The following RIC1 variants were observed in gnomAD, a reference collection of about 807,000 sequenced individuals.
RIC1 encodes the protein guanine nucleotide exchange factor subunit RIC1.
A neutral mutation model predicts 169.0 loss-of-function variants in RIC1; 88 were observed. The observed-to-expected ratio is 0.52, with a 90% CI of 0.44 to 0.62. The LOEUF is 0.62. Among genes scored for constraint, RIC1 ranks in the 20% least tolerant of loss-of-function variants. RIC1 has a pLI of 0.00. For missense variants in RIC1, 1,877 were observed against 1,725.5 expected (o/e 1.09, Z -1.56); for synonymous variants, 790 against 601.5 (o/e 1.31, Z -4.59).
intron 2 of RIC1, among the ~76,000 whole-genome samples, chr9:5,669,361 A>T (rs182041709): frequency 6.6e-6 from 1 of 152,164 alleles, no homozygotes; most frequent in Non-Finnish European, 1.5e-5. Flanking sequence ...TTAGCTCCCA[A>T]TTATGAGTGA....
In RIC1 at chr9:5,731,973, T is replaced by G. The variant is rs181732628; in HGVS notation, c.721-415T>G. On this transcript the variant is annotated intron_variant, in intron 6 of 25. Coordinates refer to ENST00000414202, the MANE Select transcript of RIC1 (RefSeq NM_020829.4). Reference sequence around the variant, plus strand: ...AAAGAATAAACCAAACAGAATGTACTACTTTTCACTGACTGAGAAGTTAAA... The same window carrying G: ...AAAGAATAAACCAAACAGAATGTACGACTTTTCACTGACTGAGAAGTTAAA... Among the ~76,000 whole-genome samples, 720 of 152,338 alleles carry G rather than the reference T, an allele frequency of 4.7e-3. 4 individuals are homozygous for G. The highest frequency in any genetic ancestry group is 0.01 in the Admixed American group (153 of 15,298).
Position 5,746,008 on chromosome 9 carries a change from C to T in RIC1, c.1173C>T (p.Leu391=). The T allele has an allele frequency of 6.2e-7, 1 of 1,613,622 alleles. No individual in the cohort carries two copies. The highest frequency in any genetic ancestry group is 8.5e-7 in the Non-Finnish European group (1 of 1,179,662). ...GSQNTEIESD[L]RSVVKQPSIL... ...AAAACACTGAAATTGAGTCTGACCT[C>T]AGGAGTGTAGTTAAACAGCCCAGCA... The change falls in exon 11 of 26, where the codon CTC becomes CTT. Residue 391 remains leucine (L), a synonymous_variant. Coordinates refer to ENST00000414202, the MANE Select transcript of RIC1 (RefSeq NM_020829.4).
At chr9:5,771,311 AGT>A (rs1167844153) in intron 23 of RIC1, among the ~76,000 whole-genome samples, 1 of 152,152 alleles carries the variant, frequency 6.6e-6, no homozygotes, top group African/African-American at 2.4e-5. Context: ...GAAATCATAT[AGT>A]GTTTGTCTTT....
chr9:5,671,869 G>T (rs1285642502), intron 2 of RIC1, among the ~76,000 whole-genome samples: 1 of 152,194 alleles, frequency 6.6e-6, no homozygotes, highest in Non-Finnish European at 1.5e-5. Flanking sequence ...ACTGAGACAG[G>T]ATCTGAGATT....
At chr9:5,630,414 G>A (rs2130192178) in intron 1 of RIC1, among the ~76,000 whole-genome samples, 1 of 152,304 alleles carries the variant, frequency 6.6e-6, no homozygotes, top group South Asian at 2.1e-4. Context: ...ACCATGTGGG[G>A]ATAGGTTGTG....
chr9:5,746,983 C>T (rs1467469995), intron 11 of RIC1, among the ~76,000 whole-genome samples: 1 of 152,080 alleles, frequency 6.6e-6, no homozygotes, highest in Non-Finnish European at 1.5e-5. Context: ...GTCAAGCCAG[C>T]ATTTGGACTA....
chr9:5,756,239 C>G lies in RIC1; in HGVS notation c.1720C>G (p.Leu574Val). Reference protein sequence around the residue: ...ELRVYLRTSNLDNAFAHVTKA... With the variant: ...ELRVYLRTSNVDNAFAHVTKA... ...TAGAGTATACTTGCGAACATCAAATCTGGACAATGCCTTTGCTCATGTCAC... is the reference window on the plus strand; with the variant it reads ...TAGAGTATACTTGCGAACATCAAATGTGGACAATGCCTTTGCTCATGTCAC... The change falls in exon 16 of 26, where the codon CTG (leucine) becomes GTG (valine). Residue 574 changes from leucine (L) to valine (V), a missense_variant. Leu to Val is a conservative substitution (Grantham distance 32). Around this residue, in one of 3 missense-constraint regions of RIC1, gnomAD observed 1,104 missense variants for 992.0 expected, o/e 1.11. Coordinates refer to ENST00000414202, the MANE Select transcript of RIC1 (RefSeq NM_020829.4). 1 of 1,587,224 alleles carries G rather than the reference C, an allele frequency of 6.3e-7. No homozygotes were observed. Among genetic ancestry groups the G allele is most frequent in the Non-Finnish European group, 8.6e-7 (1 of 1,165,086 alleles).
chr9:5,724,167 A>G (rs1279863692), intron 6 of RIC1, among the ~76,000 whole-genome samples: 3 of 152,158 alleles, frequency 2.0e-5, no homozygotes, highest in South Asian at 2.1e-4. Context: ...CCATTTTCAC[A>G]ATATTGATTC....
intron 1 of RIC1, among the ~76,000 whole-genome samples, chr9:5,643,777 A>G (rs1818369171): frequency 6.6e-6 from 1 of 152,190 alleles, no homozygotes; most frequent in East Asian, 1.9e-4. Context: ...TTGTTAGGCA[A>G]TTTATTTAAT....
At chr9:5,633,310 C>A (rs955370381) in intron 1 of RIC1, among the ~76,000 whole-genome samples, 4 of 152,140 alleles carry the variant, frequency 2.6e-5, no homozygotes, top group Non-Finnish European at 4.4e-5. Flanking sequence ...CCTTTTAACT[C>A]TATTACTTTC....
chr9:5,755,906 G>C (rs1483517971), intron 15 of RIC1, among the ~76,000 whole-genome samples: 1 of 151,018 alleles, frequency 6.6e-6, no homozygotes, highest in African/African-American at 2.4e-5. Flanking sequence ...CTGGGCAACA[G>C]AGTGAGACCC....
Position 5,690,026 on chromosome 9 carries a change from C to A in RIC1, c.320C>A (p.Pro107Gln), listed in dbSNP as rs375748389. The A allele has an allele frequency of 6.3e-7, 1 of 1,589,096 alleles. No individual in the cohort carries two copies. The highest frequency in any genetic ancestry group is 2.3e-5 in the East Asian group (1 of 44,362). The change falls in exon 3 of 26, where the codon CCA becomes CAA. Residue 107 changes from proline (P) to glutamine (Q), a missense_variant. This residue lies in a region of RIC1 where 1,104 missense variants were observed against 992.0 expected (regional missense o/e 1.11). Transcript: ENST00000414202. Reference protein sequence around the residue: ...STRGDKYLYEPVYPKGSPQMK... With the variant: ...STRGDKYLYEQVYPKGSPQMK... ...AGAGGGGACAAGTACCTTTATGAAC[C>A]AGTGTATCCCAAGTAAGTTTGTTGC...
At chr9:5,717,383 A>G (rs1328765466) in intron 4 of RIC1, among the ~76,000 whole-genome samples, 1 of 152,148 alleles carries the variant, frequency 6.6e-6, no homozygotes, top group African/African-American at 2.4e-5. Context: ...ACTCCTTCCA[A>G]GGAAAATCAC....
intron 6 of RIC1, among the ~76,000 whole-genome samples, chr9:5,731,978 T>C (rs1824396182): frequency 6.6e-6 from 1 of 152,182 alleles, no homozygotes; most frequent in Non-Finnish European, 1.5e-5. Flanking sequence ...TGTACTACTT[T>C]TCACTGACTG....
chr9:5,700,610 T>C (rs934735049), intron 3 of RIC1, among the ~76,000 whole-genome samples: 11 of 151,470 alleles, frequency 7.3e-5, no homozygotes, highest in African/African-American at 2.7e-4. Flanking sequence ...TATAATAAAT[T>C]ATATATTTTG....
intron 15 of RIC1, among the ~76,000 whole-genome samples, chr9:5,755,992 G>A (rs1468100751): frequency 5.3e-5 from 8 of 151,440 alleles, no homozygotes; most frequent in Admixed American, 5.3e-4. Flanking sequence ...AGTACATTCA[G>A]TTTTGATCAC....
At chr9:5,683,850 G>A (rs921684816) in intron 2 of RIC1, among the ~76,000 whole-genome samples, 6 of 152,162 alleles carry the variant, frequency 3.9e-5, no homozygotes, top group African/African-American at 1.2e-4. Context: ...AATGGCGGGC[G>A]CCCCTCCCCC....
rs796284841 is a variant in RIC1 at position 5,711,853 on chromosome 9, G to C, written c.333-2043G>C. On this transcript the variant is annotated intron_variant, in intron 3 of 25. Coordinates refer to ENST00000414202, the MANE Select transcript of RIC1 (RefSeq NM_020829.4). ...TGGTTTTTTGTCCTTGCGACAGTTT[G>C]CTGAGAATGATGGTTTCCAGCTTCA... Among the ~76,000 whole-genome samples the C allele has an allele frequency of 2.0e-5, 3 of 152,222 alleles. No individual in the cohort carries two copies. In the East Asian group the frequency reaches 5.8e-4, roughly 29 times the overall value.
At chr9:5,745,909 T>TC in intron 10 of RIC1, 22 bp from the exon 11 acceptor site, 1 of 1,593,186 alleles carries the variant, frequency 6.3e-7, no homozygotes, top group Non-Finnish European at 8.6e-7. Flanking sequence ...TGACTTTTTT[T>TC]CTCCCTCCTC....
Sources: gnomAD v4.1 joint callset for allele counts (sites outside exome capture counted in the v4.1 genomes callset) on GRCh38, gnomAD v4.1.1 for gene constraint, gnomAD v4.1.1 regional missense constraint, MANE v1.5 for transcripts, NCBI Gene and HGNC (gene_info 2026-07-23, HGNC 2026-07-21) for gene names.